CYP2D6: variants seen among roughly 807,000 people sequenced by gnomAD.
CYP2D6 encodes the protein cytochrome P450 family 2 subfamily D member 6 (gene/pseudogene).
Under a neutral mutation model 43.5 loss-of-function variants are expected in CYP2D6, and 51 were observed. The ratio of observed to expected loss-of-function variants is 1.17; its 90% confidence interval spans 0.94 to 1.48. CYP2D6 has a LOEUF of 1.48. Among genes scored for constraint, CYP2D6 ranks in the 40% most tolerant of loss-of-function variants. The pLI, the probability that CYP2D6 is intolerant of heterozygous loss-of-function variation, is 0.00. For missense variants in CYP2D6, 698 were observed against 688.0 expected (o/e 1.01, Z -0.16); for synonymous variants, 346 against 297.1 (o/e 1.16, Z -1.69).
rs1275741831 is a variant in CYP2D6, at chr22:42,128,830, T to A, written c.620A>T (p.Asp207Val). 1 of 1,607,956 alleles carries A rather than the reference T, an allele frequency of 6.2e-7. No homozygotes were observed. The highest frequency in any genetic ancestry group is 8.5e-7 in the Non-Finnish European group (1 of 1,176,658). The change falls in exon 4 of 9, where the codon GAC (aspartate) becomes GTC (valine). Residue 207 changes from aspartate (D) to valine (V), a missense_variant. Physicochemically the swap from Asp to Val is radical, Grantham distance 152. Around this residue, in one of 5 missense-constraint regions of CYP2D6, gnomAD observed 588 missense variants for 521.1 expected, o/e 1.13. Coordinates refer to ENST00000645361, the MANE Select transcript of CYP2D6 (RefSeq NM_000106.6). The part of the protein sequence containing the change: ...YDDPRFLRLL[D>V]LAQEGLKEES... ...CTCCTTCAGTCCCTCCTGAGCTAGGTCCAGCAGCCTGAGGAAGCGAGGGTC... is the reference window on the plus strand; with the variant it reads ...CTCCTTCAGTCCCTCCTGAGCTAGGACCAGCAGCCTGAGGAAGCGAGGGTC...
At position 42,127,516 on chromosome 22, in the gene CYP2D6, G is replaced by A; in HGVS notation, c.1104C>T (p.Asp368=). ...TATGGGTCACACCCAGGGGGACGAT[G>A]TCCCCAAAGCGCTGCACCTCATGAA... ...AVIHEVQRFG[D]IVPLGVTHMT... is the part of the protein sequence containing the mutation. The change falls in exon 7 of 9, where the codon GAC becomes GAT. Residue 368 remains aspartate, a synonymous_variant. Coordinates refer to ENST00000645361, the MANE Select transcript of CYP2D6 (RefSeq NM_000106.6). 6.2e-7 allele frequency: 1 copy of A among 1,611,850 alleles called. No individual in the cohort carries two copies. The highest frequency in any genetic ancestry group is 2.2e-5 in the East Asian group (1 of 44,782).
rs991361857 is a variant in CYP2D6 at position 42,128,171 on chromosome 22, C to T, written c.843+3G>A. The T allele has an allele frequency of 2.2e-5, 35 of 1,602,554 alleles. 1 individual carries two copies. Among genetic ancestry groups the T allele is most frequent in the Non-Finnish European group, 2.9e-5 (34 of 1,173,592 alleles). ...TGCCCCCCACCGTGGCAGCCACTCT[C>T]ACCTTCTCCATCTCTGCCAGGAAGG... On this transcript the variant is annotated splice_donor_region_variant and intron_variant, in intron 5 of 8. Transcript: ENST00000645361.
intron 5 of CYP2D6, 79 bp downstream of exon 5, chr22:42,128,095 C>G: frequency 6.3e-7 from 1 of 1,584,498 alleles, no homozygotes; most frequent in Non-Finnish European, 8.6e-7. Flanking sequence ...CTGGTCCAAC[C>G]TTTTGCCCAG....
At chr22:42,130,177 G>T in intron 1 of CYP2D6, 1 of 517,538 alleles carries the variant, frequency 1.9e-6, no homozygotes, top group South Asian at 2.1e-5. Flanking sequence ...CCCAGATGAT[G>T]GTCCATGCCG....
intron 2 of CYP2D6, 39 bp downstream of exon 2, chr22:42,129,699 G>A (rs754894411): frequency 1.2e-6 from 2 of 1,607,204 alleles, no homozygotes; most frequent in South Asian, 1.1e-5. Flanking sequence ...ACCCACCCGG[G>A]TCCCACGGAA....
intron 7 of CYP2D6, 107 bp from the exon 8 acceptor site, chr22:42,127,099 T>C (rs1302288576): frequency 1.5e-6 from 2 of 1,363,996 alleles, no homozygotes; most frequent in Non-Finnish European, 2.0e-6. Context: ...AGCTGGACTC[T>C]GTCAACTAGT....
chr22:42,128,385 G>A (rs1931336524), intron 4 of CYP2D6, 35 bp from the exon 5 acceptor site: 3 of 1,601,818 alleles, frequency 1.9e-6, no homozygotes, highest in East Asian at 2.2e-5. Flanking sequence ...AATCCCTCCT[G>A]TGCTCTGCGT....
intron 6 of CYP2D6, 67 bp from the exon 7 acceptor site, chr22:42,127,701 C>T (rs149172985): frequency 2.6e-4 from 417 of 1,580,098 alleles, no homozygotes; most frequent in Middle Eastern, 1.5e-3. Flanking sequence ...CTCCTTCTTG[C>T]CTCCTATGTT....
chr22:42,130,141 C>T (rs1931844745), intron 1 of CYP2D6: 1 of 534,916 alleles, frequency 1.9e-6, no homozygotes, highest in Admixed American at 3.7e-5. Context: ...CCAAAATTGC[C>T]GAGAGGCCCC....
chr22:42,127,496 G>T lies in CYP2D6; in HGVS notation c.1124C>A (p.Thr375Asn), dbSNP rs1931114091. The T allele has an allele frequency of 1.9e-6, 3 of 1,611,660 alleles. No individual in the cohort carries two copies. Among genetic ancestry groups the T allele is most frequent in the Non-Finnish European group, 2.5e-6 (3 of 1,178,310 alleles). The change falls in exon 7 of 9, where the codon ACC becomes AAC. Residue 375 changes from threonine (T) to asparagine (N), a missense_variant. Around this residue, in one of 5 missense-constraint regions of CYP2D6, gnomAD observed 588 missense variants for 521.1 expected, o/e 1.13. Transcript: ENST00000645361. ...RFGDIVPLGV[T>N]HMTSRDIEVQ... is the part of the protein sequence containing the mutation. ...TTCGATGTCACGGGATGTCATATGG[G>T]TCACACCCAGGGGGACGATGTCCCC...
rs759470167 is a variant in CYP2D6 at position 42,129,188 on chromosome 22, G to T, written c.353-3C>A. ...CCCATAGCGCGCCAGGAACACCCCT[G>T]GGGGTGGGACGGGCACGTGCGCGTG... On this transcript the variant is annotated splice_region_variant and splice_polypyrimidine_tract_variant and intron_variant, in intron 2 of 8. Coordinates refer to ENST00000645361, the MANE Select transcript of CYP2D6 (RefSeq NM_000106.6). The T allele has an allele frequency of 4.4e-6, 7 of 1,603,266 alleles. 1 individual carries two copies. The highest frequency in any genetic ancestry group is 4.5e-5 in the East Asian group (2 of 44,742).
At chr22:42,128,092 A>G in intron 5 of CYP2D6, 82 bp downstream of exon 5, 1 of 1,585,740 alleles carries the variant, frequency 6.3e-7, no homozygotes, top group South Asian at 1.1e-5. Context: ...GCACTGGTCC[A>G]ACCTTTTGCC....
In CYP2D6 at chr22:42,128,286, T is replaced by G; in HGVS notation, c.731A>C (p.Gln244Pro). ...ATCCAGCTGGGTCAGGAAAGCCTTTTGGAAGCGTAGGACCTTGCCAGCCAG... is the reference window on the plus strand; with the variant it reads ...ATCCAGCTGGGTCAGGAAAGCCTTTGGGAAGCGTAGGACCTTGCCAGCCAG... ...PALAGKVLRF[Q>P]KAFLTQLDEL... is the part of the protein sequence containing the mutation. The change falls in exon 5 of 9, where the codon CAA becomes CCA. Residue 244 changes from glutamine (Q) to proline (P), a missense_variant. By Grantham distance (76) the Gln-to-Pro change is moderately conservative. Coordinates refer to ENST00000645361, the MANE Select transcript of CYP2D6 (RefSeq NM_000106.6). 6.2e-7 allele frequency: 1 copy of G among 1,610,592 alleles called. No individual in the cohort carries two copies. The highest frequency in any genetic ancestry group is 8.5e-7 in the Non-Finnish European group (1 of 1,177,992).
At position 42,126,614 on chromosome 22, in the gene CYP2D6, A is replaced by T; in HGVS notation, c.1454T>A (p.Val485Glu). The T allele has an allele frequency of 6.2e-7, 1 of 1,607,806 alleles. No individual in the cohort carries two copies. Among genetic ancestry groups the T allele is most frequent in the Non-Finnish European group, 8.5e-7 (1 of 1,176,804 alleles). Reference sequence around the variant, plus strand: ...ACAAAGCTCATAGGGGGATGGGCTCACCAGGAAAGCAAAGACACCATGGTG... The same window carrying T: ...ACAAAGCTCATAGGGGGATGGGCTCTCCAGGAAAGCAAAGACACCATGGTG... The part of the protein sequence containing the change: ...PSHHGVFAFL[V>E]SPSPYELCAV... Residue 485 changes from valine (V) to glutamate (E), a missense_variant, in exon 9 of 9, where the codon GTG (valine) becomes GAG (glutamate). Physicochemically the swap from Val to Glu is moderately radical, Grantham distance 121 (BLOSUM62 -2). This residue lies in a region of CYP2D6 where 85 missense variants were observed against 81.2 expected (regional missense o/e 1.05). Coordinates refer to ENST00000645361, the MANE Select transcript of CYP2D6 (RefSeq NM_000106.6).
chr22:42,129,909 A>G lies in CYP2D6; in HGVS notation c.181T>C (p.Leu61=). 6.4e-7 allele frequency: 1 copy of G among 1,556,788 alleles called. No homozygotes were observed. Among genetic ancestry groups the G allele is most frequent in the African/African-American group, 1.4e-5 (1 of 71,558 alleles). The change falls in exon 2 of 9, where the codon TTG becomes CTG. Residue 61 remains leucine (L), a splice_region_variant and synonymous_variant. Transcript: ENST00000645361. ...FQNTPYCFDQ[L]RRRFGDVFSL... is the part of the protein sequence containing the mutation. ...AACACGTCCCCGAAGCGGCGCCGCAACTGCAGAGGGAGGGTCAGGGCCTCT... is the reference window on the plus strand; with the variant it reads ...AACACGTCCCCGAAGCGGCGCCGCAGCTGCAGAGGGAGGGTCAGGGCCTCT...
At chr22:42,130,079 A>T in intron 1 of CYP2D6, 170 bp from the exon 2 acceptor site, 1 of 683,804 alleles carries the variant, frequency 1.5e-6, no homozygotes, top group Non-Finnish European at 2.4e-6. Flanking sequence ...ACCTTCTGTG[A>T]TGGAGGAACT....
intron 6 of CYP2D6, 79 bp from the exon 7 acceptor site, chr22:42,127,713 G>A (rs547415282): frequency 1.3e-6 from 2 of 1,574,148 alleles, no homozygotes; most frequent in African/African-American, 1.4e-5. Context: ...TCCTATGTTG[G>A]AGGAGGTCAG....
At chr22:42,130,092 G>A (rs1931836546) in intron 1 of CYP2D6, 183 bp from the exon 2 acceptor site, 5 of 632,452 alleles carry the variant, frequency 7.9e-6, no homozygotes, top group Non-Finnish European at 1.3e-5. Flanking sequence ...GAGGAACTCA[G>A]TTTGGATGCG....
chr22:42,127,700 GCCT>G, intron 6 of CYP2D6, 66 bp from the exon 7 acceptor site: 1 of 1,577,238 alleles, frequency 6.3e-7, no homozygotes, highest in Non-Finnish European at 8.7e-7. Flanking sequence ...ACTCCTTCTT[GCCT>G]CCTATGTTGG....
Sources: gnomAD v4.1 joint callset for allele counts on GRCh38, gnomAD v4.1.1 for gene constraint, gnomAD v4.1.1 regional missense constraint, MANE v1.5 for transcripts, NCBI Gene and HGNC (gene_info 2026-07-23, HGNC 2026-07-21) for gene names.